PCDH11X: variants seen among roughly 807,000 people sequenced by gnomAD.
The protein encoded by PCDH11X is protocadherin-11 X-linked.
A neutral mutation model predicts 53.3 loss-of-function variants in PCDH11X; 18 were observed. The observed-to-expected ratio is 0.34, with a 90% confidence interval of 0.23 to 0.50. The LOEUF (loss-of-function observed/expected upper bound fraction) is 0.50. Among genes scored for constraint, PCDH11X ranks in the 20% least tolerant of loss-of-function variants. The pLI is 0.98. For synonymous variants in PCDH11X, 279 were observed against 393.3 expected (o/e 0.71, Z 3.44); for missense variants, 570 against 1,032.4 (o/e 0.55, Z 6.14).
At chrX:92,406,881 C>T (rs1378963573) in intron 9 of PCDH11X, among the ~76,000 whole-genome samples, 1 of 103,068 alleles carries the variant, frequency 9.7e-6, no homozygotes, top group African/African-American at 3.6e-5. Flanking sequence ...AAGCCGAGAT[C>T]GCGCCACTGC....
intron 7 of PCDH11X, among the ~76,000 whole-genome samples, chrX:92,207,408 A>G (rs2066494371): frequency 9.0e-6 from 1 of 111,697 alleles, no homozygotes; most frequent in Non-Finnish European, 1.9e-5. Context: ...ATAATGCTCC[A>G]TGAGTTAGCA....
intron 5 of PCDH11X, among the ~76,000 whole-genome samples, chrX:91,837,936 T>C (rs1201758525): frequency 8.9e-6 from 1 of 111,739 alleles, no homozygotes; most frequent in African/African-American, 3.2e-5. Context: ...GGTTAGTGGC[T>C]ATCATACTGC....
At position 92,156,562 on chromosome X, in the gene PCDH11X, C is replaced by T. The variant is rs750764461; in HGVS notation, c.3034-44813C>T. Reference sequence around the variant, plus strand: ...TTAATAATTTCTAACGTATGCATTTCATCCTTTCTTCCTAACTAAAATCAC... The same window carrying T: ...TTAATAATTTCTAACGTATGCATTTTATCCTTTCTTCCTAACTAAAATCAC... On this transcript the variant is annotated intron_variant, in intron 6 of 10. Coordinates refer to ENST00000682573, the MANE Select transcript of PCDH11X (RefSeq NM_032968.5). 9.8e-5 allele frequency among the ~76,000 whole-genome samples: 11 copies of T among 111,843 alleles called. No homozygotes were observed. In the East Asian group the frequency reaches 2.8e-3, roughly 29 times the overall value.
intron 6 of PCDH11X, among the ~76,000 whole-genome samples, chrX:91,966,416 T>C (rs1447048479): frequency 9.2e-6 from 1 of 109,118 alleles, no homozygotes; most frequent in Non-Finnish European, 1.9e-5. Flanking sequence ...AAGAATAGTT[T>C]GTGTTCTCAC....
intron 6 of PCDH11X, among the ~76,000 whole-genome samples, chrX:92,106,362 G>C (rs1342194887): frequency 5.5e-5 from 6 of 109,264 alleles, no homozygotes; most frequent in Middle Eastern, 4.7e-3. Context: ...AACAATTCTG[G>C]CTATGTTTAC....
intron 6 of PCDH11X, among the ~76,000 whole-genome samples, chrX:91,923,463 G>A (rs1229123301): frequency 9.3e-6 from 1 of 107,724 alleles, no homozygotes; most frequent in Admixed American, 1.0e-4. Context: ...TGTGCTGGAT[G>A]CTTCCTGCTC....
chrX:92,194,674 T>TG (rs1191109677), intron 6 of PCDH11X, among the ~76,000 whole-genome samples: 1 of 110,040 alleles, frequency 9.1e-6, no homozygotes, highest in East Asian at 2.9e-4. Flanking sequence ...ATTATGTTTT[T>TG]TTTTTTTTTC....
At chrX:92,391,273 C>A (rs2071122243) in intron 9 of PCDH11X, among the ~76,000 whole-genome samples, 1 of 109,422 alleles carries the variant, frequency 9.1e-6, no homozygotes, top group South Asian at 3.9e-4. Context: ...CTATTGATTG[C>A]TGCTGGGTTA....
intron 8 of PCDH11X, among the ~76,000 whole-genome samples, chrX:92,268,031 T>C (rs746101717): frequency 8.9e-6 from 1 of 112,322 alleles, no homozygotes; most frequent in Admixed American, 9.4e-5. Flanking sequence ...TTCTAACACA[T>C]AAAATTTGGG....
At chrX:91,813,858 A>G (rs1297236951) in intron 4 of PCDH11X, among the ~76,000 whole-genome samples, 1 of 108,848 alleles carries the variant, frequency 9.2e-6, no homozygotes, top group South Asian at 4.1e-4. Context: ...CTTACGTGAA[A>G]TCTCTCTTTA....
intron 10 of PCDH11X, among the ~76,000 whole-genome samples, chrX:92,592,686 G>T (rs2750630): frequency 8.9e-6 from 1 of 111,963 alleles, no homozygotes; most frequent in Non-Finnish European, 1.9e-5. Context: ...AGCCGAGATC[G>T]CATCACTGCA....
At chrX:91,909,596 T>A (rs1454901489) in intron 6 of PCDH11X, among the ~76,000 whole-genome samples, 8 of 107,996 alleles carry the variant, frequency 7.4e-5, no homozygotes, top group Admixed American at 3.0e-4. Context: ...AGGCTAAAAA[T>A]TTTTTATTTA....
intron 6 of PCDH11X, among the ~76,000 whole-genome samples, chrX:92,145,254 G>A (rs1469551618): frequency 9.0e-6 from 1 of 111,694 alleles, no homozygotes; most frequent in Non-Finnish European, 1.9e-5. Flanking sequence ...AAAAGTGTTG[G>A]GACTTTCAGA....
intron 4 of PCDH11X, among the ~76,000 whole-genome samples, chrX:91,813,367 T>A (rs1270737803): frequency 1.9e-5 from 2 of 106,190 alleles, no homozygotes; most frequent in Non-Finnish European, 3.9e-5. Context: ...TTATGCTTAT[T>A]CAAATTTTCC....
intron 8 of PCDH11X, among the ~76,000 whole-genome samples, chrX:92,372,253 T>G (rs1047419772): frequency 4.5e-5 from 5 of 111,164 alleles, no homozygotes; most frequent in African/African-American, 1.6e-4. Context: ...GATAAGCAAC[T>G]CCTGTTACTT....
chrX:92,422,848 C>A (rs781395058), intron 9 of PCDH11X, among the ~76,000 whole-genome samples: 5 of 108,012 alleles, frequency 4.6e-5, no homozygotes, highest in Non-Finnish European at 7.7e-5. Context: ...TTATTTATTT[C>A]TTTATTTCTT....
intron 8 of PCDH11X, among the ~76,000 whole-genome samples, chrX:92,278,430 G>C (rs190984450): frequency 0.052 from 5,760 of 111,341 alleles, 351 homozygotes; most frequent in East Asian, 0.23. Flanking sequence ...TTTATTTCAC[G>C]TGGGTGCAGG....
At chrX:92,119,743 T>C (rs988477166) in intron 6 of PCDH11X, among the ~76,000 whole-genome samples, 5 of 112,174 alleles carry the variant, frequency 4.5e-5, no homozygotes, top group Non-Finnish European at 7.5e-5. Context: ...AGCTAGCACA[T>C]TTCTTACCAA....
Position 92,148,774 on chromosome X carries a change from G to A in PCDH11X, c.3034-52601G>A, listed in dbSNP as rs1457636216. Among the ~76,000 whole-genome samples, 123 of 104,797 alleles carry A rather than the reference G, an allele frequency of 1.2e-3. 1 individual carries two copies. The highest frequency in any genetic ancestry group is 4.3e-3 in the African/African-American group (117 of 27,320). 91.0% of individuals were successfully genotyped at this position (104,797 alleles called of 115,157 possible). On this transcript the variant is annotated intron_variant, in intron 6 of 10. Coordinates refer to ENST00000682573, the MANE Select transcript of PCDH11X (RefSeq NM_032968.5). ...TACTTATATGTTTATATATATATGT[G>A]TGTGTATATATATATATATACACAC...
Sources: gnomAD v4.1 joint callset for allele counts (sites outside exome capture counted in the v4.1 genomes callset) on GRCh38, gnomAD v4.1.1 for gene constraint, MANE v1.5 for transcripts, NCBI Gene and HGNC (gene_info 2026-07-23, HGNC 2026-07-21) for gene names.